TDP1: variants seen among roughly 807,000 people sequenced by gnomAD.
The protein encoded by TDP1 is tyrosyl-DNA phosphodiesterase 1, also known as tyr-DNA phosphodiesterase 1.
A neutral mutation model predicts 81.5 loss-of-function variants in TDP1; 64 were observed. The ratio of observed to expected loss-of-function variants is 0.79; its 90% CI spans 0.64 to 0.97. The LOEUF is 0.97. Ranked by LOEUF, TDP1 falls within the 50% of genes least tolerant of loss-of-function variation. The pLI is 0.00. For missense variants in TDP1, 723 were observed against 743.8 expected, an observed-to-expected ratio of 0.97 and a Z score of 0.33; for synonymous variants, 256 against 264.3, an observed-to-expected ratio of 0.97 and a Z score of 0.30.
chr14:89,964,078 AT>A (rs1389853469), intron 3 of TDP1, among the ~76,000 whole-genome samples: 1 of 152,072 alleles, frequency 6.6e-6, no homozygotes, highest in East Asian at 1.9e-4. Flanking sequence ...CCCATTCCCG[AT>A]TCATTAAATT....
chr14:89,971,209 C>G lies in TDP1; in HGVS notation c.694C>G (p.Arg232Gly). 1 of 1,614,050 alleles carries G rather than the reference C, an allele frequency of 6.2e-7. No individual in the cohort carries two copies. The highest frequency in any genetic ancestry group is 1.3e-5 in the African/African-American group (1 of 75,046). ...KPILLVHGDK[R>G]EAKAHLHAQA... ...AATCCTGCTTGTGCATGGTGATAAG[C>G]GAGAGGCTAAGGCTCACCTCCATGC... Residue 232 changes from arginine to glycine, a missense_variant, in exon 6 of 17, where the codon CGA becomes GGA. Coordinates refer to ENST00000335725, the MANE Select transcript of TDP1 (RefSeq NM_018319.4).
intron 14 of TDP1, among the ~76,000 whole-genome samples, chr14:89,999,373 G>T (rs991773636): frequency 6.6e-6 from 1 of 152,158 alleles, no homozygotes; most frequent in Non-Finnish European, 1.5e-5. Flanking sequence ...GTGGATTCTA[G>T]TCCAAATGAA....
At chr14:89,985,676 A>G (rs1566874964) in intron 10 of TDP1, among the ~76,000 whole-genome samples, 1 of 152,248 alleles carries the variant, frequency 6.6e-6, no homozygotes, top group Non-Finnish European at 1.5e-5. Context: ...AAGAAAGGTC[A>G]TAAAATAAGT....
chr14:90,017,812 T>G (rs1041476407), intron 14 of TDP1, among the ~76,000 whole-genome samples: 12 of 152,210 alleles, frequency 7.9e-5, no homozygotes, highest in African/African-American at 2.9e-4. Context: ...AAAAGTTTTT[T>G]TCCTAGAATC....
intron 10 of TDP1, 122 bp downstream of exon 10, chr14:89,985,332 A>G (rs902310861): frequency 6.2e-6 from 4 of 647,292 alleles, no homozygotes; most frequent in African/African-American, 5.5e-5. Context: ...GCAAATAGAT[A>G]CTTGATAAAT....
At chr14:90,025,642 A>G (rs1886562139) in intron 15 of TDP1, among the ~76,000 whole-genome samples, 1 of 152,180 alleles carries the variant, frequency 6.6e-6, no homozygotes, top group Non-Finnish European at 1.5e-5. Flanking sequence ...TCTAAAATCA[A>G]TTTATCAATT....
At chr14:89,975,537 T>C (rs1894185430) in intron 6 of TDP1, 2 of 933,548 alleles carry the variant, frequency 2.1e-6, no homozygotes, top group African/African-American at 3.6e-5. Flanking sequence ...AAAAATGTAG[T>C]ATATATTCTG....
At chr14:89,959,745 A>G (rs1478078158) in intron 2 of TDP1, among the ~76,000 whole-genome samples, 1 of 152,148 alleles carries the variant, frequency 6.6e-6, no homozygotes, top group African/African-American at 2.4e-5. Flanking sequence ...GAAAATGGAG[A>G]TAATGATAAA....
chr14:90,026,421 G>C (rs934584748), intron 15 of TDP1, among the ~76,000 whole-genome samples: 1 of 152,304 alleles, frequency 6.6e-6, no homozygotes, highest in African/African-American at 2.4e-5. Context: ...CCTCTCACCT[G>C]TCCACATCCT....
intron 14 of TDP1, among the ~76,000 whole-genome samples, chr14:90,000,926 G>A (rs1897133666): frequency 1.3e-5 from 2 of 152,148 alleles, no homozygotes; most frequent in Non-Finnish European, 2.9e-5. Flanking sequence ...GACTGCTTTG[G>A]AGAACCATAT....
At chr14:90,014,166 C>T (rs1481634848) in intron 14 of TDP1, among the ~76,000 whole-genome samples, 1 of 152,138 alleles carries the variant, frequency 6.6e-6, no homozygotes, top group Non-Finnish European at 1.5e-5. Context: ...TACTTCTATA[C>T]AATGTTGCTA....
intron 15 of TDP1, among the ~76,000 whole-genome samples, chr14:90,030,333 TG>T (rs1887140877): frequency 1.3e-5 from 2 of 152,240 alleles, no homozygotes; most frequent in Admixed American, 1.3e-4. Context: ...TTCTCACGCT[TG>T]GTATTCTTCC....
intron 15 of TDP1, among the ~76,000 whole-genome samples, chr14:90,031,276 A>C: frequency 8.9e-6 from 1 of 112,306 alleles, no homozygotes; most frequent in Admixed American, 1.0e-4. Flanking sequence ...ACCCCACAAC[A>C]GTCCCCAGAG....
At chr14:89,993,273 G>T in intron 13 of TDP1, 103 bp from the exon 14 acceptor site, 1 of 1,273,832 alleles carries the variant, frequency 7.9e-7, no homozygotes, top group Non-Finnish European at 1.1e-6. Context: ...AGCCACTGTT[G>T]ATTTTTAGAT....
At chr14:89,973,589 A>G (rs1893902192) in intron 6 of TDP1, among the ~76,000 whole-genome samples, 1 of 152,076 alleles carries the variant, frequency 6.6e-6, no homozygotes, top group Non-Finnish European at 1.5e-5. Context: ...TGAAACTGAG[A>G]CACATTAGTC....
intron 7 of TDP1, among the ~76,000 whole-genome samples, chr14:89,977,010 C>T (rs1172315972): frequency 2.6e-5 from 4 of 151,920 alleles, no homozygotes; most frequent in African/African-American, 4.8e-5. Context: ...AAAAATTAGC[C>T]GGGCAGTAGT....
chr14:90,006,559 C>G (rs1023010566), intron 14 of TDP1, among the ~76,000 whole-genome samples: 1 of 151,446 alleles, frequency 6.6e-6, no homozygotes, highest in African/African-American at 2.4e-5. Flanking sequence ...TTTTTTGAGA[C>G]AGAGTCTTGC....
intron 2 of TDP1, among the ~76,000 whole-genome samples, chr14:89,962,203 ATATAATTATATCCAACTAAT>A (rs1015015025): frequency 6.6e-6 from 1 of 152,198 alleles, no homozygotes; most frequent in African/African-American, 2.4e-5. Context: ...TTATATCTTG[ATATAATTATATCCAACTAAT>A]TATAATTAGT....
chr14:89,958,846 C>G (rs1406103634), intron 2 of TDP1, among the ~76,000 whole-genome samples: 2 of 152,240 alleles, frequency 1.3e-5, no homozygotes, highest in African/African-American at 4.8e-5. Flanking sequence ...CATAGACTAT[C>G]ATATACTTAA....
Sources: allele counts gnomAD v4.1 joint callset (sites outside exome capture counted in the v4.1 genomes callset), GRCh38; gene constraint gnomAD v4.1.1; transcripts MANE v1.5; gene names NCBI Gene and HGNC (gene_info 2026-07-23, HGNC 2026-07-21).